The following OBI1 variants were observed in gnomAD, a reference collection of about 807,000 sequenced individuals.
OBI1 encodes the protein ORC ubiquitin ligase 1.
In OBI1, 59 loss-of-function variants were observed where a neutral mutation model predicts 62.4. The observed-to-expected ratio is 0.95, with a 90% CI of 0.77 to 1.17. OBI1 has a LOEUF of 1.17. Among genes scored for constraint, OBI1 ranks in the 50% most tolerant of loss-of-function variants. The probability of loss-of-function intolerance (pLI) is 0.00; values close to 1 mark genes in which losing one functional copy is unlikely to be tolerated. For missense variants in OBI1, 875 were observed against 830.9 expected, an observed-to-expected ratio of 1.05 and a Z score of -0.65; for synonymous variants, 302 against 292.8, an observed-to-expected ratio of 1.03 and a Z score of -0.32.
chr13:78,648,769 A>G (rs559763457), intron 1 of OBI1, among the ~76,000 whole-genome samples: 24 of 152,132 alleles, frequency 1.6e-4, no homozygotes, highest in African/African-American at 5.8e-4. Flanking sequence ...CAAAATTAGC[A>G]GGTCTTAGTG....
At chr13:78,619,376 T>C (rs1215632388) in intron 5 of OBI1, among the ~76,000 whole-genome samples, 3 of 151,858 alleles carry the variant, frequency 2.0e-5, no homozygotes, top group African/African-American at 7.3e-5. Context: ...AACATATGGT[T>C]TGGAGTTGAA....
chr13:78,655,349 A>C (rs1031073373), intron 1 of OBI1, among the ~76,000 whole-genome samples: 2 of 152,170 alleles, frequency 1.3e-5, no homozygotes, highest in African/African-American at 2.4e-5. Flanking sequence ...ACAAACAAAA[A>C]AAAAACAGGG....
chr13:78,647,271 A>T (rs1478192259), intron 1 of OBI1, among the ~76,000 whole-genome samples: 2 of 152,214 alleles, frequency 1.3e-5, no homozygotes, highest in Admixed American at 1.3e-4. Flanking sequence ...TGCAGTTGAG[A>T]TAAGAGGAAG....
chr13:78,638,704 G>A, intron 4 of OBI1, 119 bp downstream of exon 4: 2 of 911,076 alleles, frequency 2.2e-6, no homozygotes, highest in Non-Finnish European at 3.3e-6. Context: ...CTCATCCAGA[G>A]ATTCTGTCCT....
chr13:78,648,323 C>T (rs974928021), intron 1 of OBI1, among the ~76,000 whole-genome samples: 1 of 151,570 alleles, frequency 6.6e-6, no homozygotes. Context: ...GACACACACA[C>T]CCCTGCAATA....
intron 5 of OBI1, among the ~76,000 whole-genome samples, chr13:78,634,457 G>C (rs1875961118): frequency 1.3e-5 from 2 of 151,972 alleles, no homozygotes; most frequent in African/African-American, 4.8e-5. Flanking sequence ...ACCACGCACA[G>C]CTAACTTTTT....
At chr13:78,658,969 C>T (rs1355213346) in intron 1 of OBI1, 80 bp downstream of exon 1, 4 of 1,321,948 alleles carry the variant, frequency 3.0e-6, no homozygotes, top group Non-Finnish European at 4.3e-6. Flanking sequence ...CCTTCCCCGC[C>T]CCCGCACGAG....
At chr13:78,629,511 C>A (rs1439823391) in intron 5 of OBI1, among the ~76,000 whole-genome samples, 3 of 152,050 alleles carry the variant, frequency 2.0e-5, no homozygotes, top group African/African-American at 7.2e-5. Flanking sequence ...TGAACAGAGA[C>A]ATGGAGAGAG....
chr13:78,634,080 CAAAAAACAAAAAACAAAAAA>C lies in OBI1; in HGVS notation c.638+1010_638+1029del, dbSNP rs1398852493. Among the ~76,000 whole-genome samples the C allele has an allele frequency of 1.0e-3, 109 of 109,242 alleles. 1 individual carries two copies. The highest frequency in any genetic ancestry group is 1.3e-3 in the East Asian group (4 of 3,072). 71.7% of individuals were successfully genotyped at this position (109,242 alleles called of 152,430 possible). On this transcript the variant is annotated intron_variant, in intron 5 of 5. Transcript: ENST00000282003. ...AAGACTCCGTCTCAAAAACAAAAAA[CAAAAAACAAAAAACAAAAAA>C]AAAAAACAAAAAACAAACAACAAAA...
chr13:78,656,283 A>C (rs1019531626), intron 1 of OBI1, among the ~76,000 whole-genome samples: 1 of 152,246 alleles, frequency 6.6e-6, no homozygotes, highest in Non-Finnish European at 1.5e-5. Flanking sequence ...AAACAGGCTC[A>C]AAAGAGTTAA....
chr13:78,657,346 C>A (rs1876742752), intron 1 of OBI1, among the ~76,000 whole-genome samples: 1 of 150,474 alleles, frequency 6.6e-6, no homozygotes, highest in African/African-American at 2.4e-5. Flanking sequence ...GAGGGTTTTA[C>A]GAAGTAATCT....
chr13:78,646,990 T>G (rs1876404170), intron 1 of OBI1, among the ~76,000 whole-genome samples: 1 of 152,270 alleles, frequency 6.6e-6, no homozygotes, highest in African/African-American at 2.4e-5. Context: ...GATCTAGGGC[T>G]GTGCAGGATG....
intron 1 of OBI1, among the ~76,000 whole-genome samples, chr13:78,657,230 C>A (rs1876739208): frequency 6.6e-6 from 1 of 151,544 alleles, no homozygotes; most frequent in African/African-American, 2.4e-5. Flanking sequence ...AGACAAAAGT[C>A]TTAATCTTTT....
intron 5 of OBI1, among the ~76,000 whole-genome samples, chr13:78,626,865 G>A (rs1242574854): frequency 6.6e-6 from 1 of 152,172 alleles, no homozygotes; most frequent in Non-Finnish European, 1.5e-5. Flanking sequence ...AGGAGATCGA[G>A]ACCATCCTGG....
chr13:78,640,732 G>A (rs958965665), intron 3 of OBI1, among the ~76,000 whole-genome samples: 2 of 152,072 alleles, frequency 1.3e-5, no homozygotes, highest in South Asian at 2.1e-4. Context: ...CCCAGGAGGC[G>A]GAGGTTGCAG....
chr13:78,641,451 GGA>G (rs1876213258), intron 3 of OBI1, among the ~76,000 whole-genome samples: 1 of 151,978 alleles, frequency 6.6e-6, no homozygotes, highest in Non-Finnish European at 1.5e-5. Flanking sequence ...AGTCAAGAGG[GGA>G]TCGATATCTC....
chr13:78,657,501 T>C (rs1468557621), intron 1 of OBI1, among the ~76,000 whole-genome samples: 1 of 152,160 alleles, frequency 6.6e-6, no homozygotes, highest in African/African-American at 2.4e-5. Flanking sequence ...ACCAGCCCTA[T>C]CTTAAAGCAT....
intron 5 of OBI1, among the ~76,000 whole-genome samples, chr13:78,618,292 G>A (rs1875386242): frequency 6.6e-6 from 1 of 151,714 alleles, no homozygotes; most frequent in South Asian, 2.1e-4. Flanking sequence ...GCTATGAGAA[G>A]GTGACTTTCA....
At chr13:78,652,212 C>G (rs1456605995) in intron 1 of OBI1, among the ~76,000 whole-genome samples, 1 of 152,094 alleles carries the variant, frequency 6.6e-6, no homozygotes, top group African/African-American at 2.4e-5. Flanking sequence ...CTAGACAACT[C>G]AATGAATTTA....
Sources: gnomAD v4.1 joint callset for allele counts (sites outside exome capture counted in the v4.1 genomes callset) on GRCh38, gnomAD v4.1.1 for gene constraint, MANE v1.5 for transcripts, NCBI Gene and HGNC (gene_info 2026-07-23, HGNC 2026-07-21) for gene names.